ABCC3: variants seen among roughly 807,000 people sequenced by gnomAD.
ABCC3 encodes ATP binding cassette subfamily C member 3.
ABCC3 carries 121 observed loss-of-function variants against 165.3 expected under a neutral mutation model. The observed-to-expected ratio is 0.73, with a 90% CI of 0.63 to 0.85. The LOEUF is 0.85. Among genes scored for constraint, ABCC3 ranks in the 40% least tolerant of loss-of-function variants. The pLI, the probability that ABCC3 is intolerant of heterozygous loss-of-function variation, is 0.00. For missense variants in ABCC3, 1,869 were observed against 1,964.1 expected (o/e 0.95, Z 0.92); for synonymous variants, 733 against 810.1 (o/e 0.90, Z 1.62).
At chr17:50,668,639 G>GTTC in intron 14 of ABCC3, 122 bp downstream of exon 14, 1 of 841,550 alleles carries the variant, frequency 1.2e-6, no homozygotes, top group Non-Finnish European at 1.9e-6. Flanking sequence ...CATCTGCTTC[G>GTTC]ACTCTGACCT....
chr17:50,659,509 AC>A, intron 7 of ABCC3, 141 bp downstream of exon 7: 1 of 1,037,366 alleles, frequency 9.6e-7, no homozygotes, highest in Non-Finnish European at 1.3e-6. Flanking sequence ...CAGCCTCGGG[AC>A]CATTCTATGG....
rs1329245843 is a variant in ABCC3 at position 50,659,305 on chromosome 17, G to T, written c.743G>T (p.Arg248Ile). The T allele has an allele frequency of 2.5e-6, 4 of 1,613,652 alleles. No homozygotes were observed. Among genetic ancestry groups the T allele is most frequent in the Non-Finnish European group, 3.4e-6 (4 of 1,179,720 alleles). Residue 248 changes from arginine (R) to isoleucine (I), a missense_variant, in exon 7 of 31, where the codon AGA (arginine) becomes ATA (isoleucine). Arg to Ile is a moderately conservative substitution (Grantham distance 97). Transcript: ENST00000285238. Reference protein sequence around the residue: ...KDLWSLKEEDRSQMVVQQLLE... With the variant: ...KDLWSLKEEDISQMVVQQLLE... ...CTCTGGTCCCTAAAGGAAGAGGACA[G>T]ATCCCAGATGGTGGTGCAGCAGCTG...
chr17:50,644,449 C>T (rs1163422492), intron 1 of ABCC3, among the ~76,000 whole-genome samples: 2 of 151,980 alleles, frequency 1.3e-5, no homozygotes, highest in Admixed American at 6.6e-5. Context: ...TGGTGGCTCA[C>T]CCCTGTAATC....
chr17:50,671,795 C>G (rs555600418), intron 17 of ABCC3, among the ~76,000 whole-genome samples: 1 of 141,834 alleles, frequency 7.1e-6, no homozygotes, highest in South Asian at 2.3e-4. Flanking sequence ...GATCTTGGCT[C>G]ACTGCAACCT....
chr17:50,645,059 G>T (rs912654830), intron 1 of ABCC3, among the ~76,000 whole-genome samples: 2 of 151,592 alleles, frequency 1.3e-5, no homozygotes, highest in African/African-American at 4.8e-5. Flanking sequence ...AAATTAGCCT[G>T]GCGTAGTGGC....
chr17:50,683,529 G>T lies in ABCC3; in HGVS notation c.3808-81G>T, dbSNP rs937952348. 6 of 1,423,860 alleles carry T rather than the reference G, an allele frequency of 4.2e-6. No individual in the cohort carries two copies. The South Asian group carries it at 6.2e-5, about 15-fold the overall frequency. The allele number at this position is 1,423,860 out of a possible 1,614,324, so 88.2% of individuals were successfully genotyped here. On this transcript the variant is annotated intron_variant, in intron 26 of 30. Coordinates refer to ENST00000285238, the MANE Select transcript of ABCC3 (RefSeq NM_003786.4). ...GGGACCATAGTTGGGGAGGATTGAG[G>T]GGCCTTGGGGGAGAGAGACCGAAAG...
chr17:50,678,363 A>T (rs1051560273), intron 25 of ABCC3, 144 bp downstream of exon 25: 2 of 926,454 alleles, frequency 2.2e-6, no homozygotes. Context: ...GAAAAAAAAA[A>T]AAAGAAAAAA....
chr17:50,639,611 A>T (rs2146585461), intron 1 of ABCC3, among the ~76,000 whole-genome samples: 1 of 152,066 alleles, frequency 6.6e-6, no homozygotes, highest in Non-Finnish European at 1.5e-5. Context: ...GTGAAATGAG[A>T]CCTGGTATGC....
At chr17:50,637,637 T>C (rs760048775) in intron 1 of ABCC3, among the ~76,000 whole-genome samples, 9 of 152,334 alleles carry the variant, frequency 5.9e-5, no homozygotes, top group East Asian at 5.8e-4. Context: ...CTCATCCTTA[T>C]AGCTTCAGTT....
At position 50,667,600 on chromosome 17, in the gene ABCC3, A is replaced by G. The variant is rs1316079870; in HGVS notation, c.1478A>G (p.Glu493Gly). The change falls in exon 12 of 31, where the codon GAG (glutamate) becomes GGG (glycine). Residue 493 changes from glutamate to glycine, a missense_variant. Glu to Gly is a moderately conservative substitution (Grantham distance 98, BLOSUM62 -2). Coordinates refer to ENST00000285238, the MANE Select transcript of ABCC3 (RefSeq NM_003786.4). ...GACTCGCGCATCAAGCTGATGAGTG[A>G]GATCCTGAACGGCATCAAGGTGCTG... ...LKDSRIKLMS[E>G]ILNGIKVLKL... The G allele has an allele frequency of 7.4e-6, 12 of 1,613,566 alleles. No individual in the cohort carries two copies. The highest frequency in any genetic ancestry group is 1.7e-5 in the Admixed American group (1 of 59,988).
intron 25 of ABCC3, 97 bp from the exon 26 acceptor site, chr17:50,679,701 A>C: frequency 8.5e-7 from 1 of 1,183,050 alleles, no homozygotes; most frequent in Non-Finnish European, 1.2e-6. Flanking sequence ...CTAGGATCCC[A>C]TGGATGGGCA....
chr17:50,676,035 A>T lies in ABCC3; in HGVS notation c.3012A>T (p.Arg1004Ser), dbSNP rs1295030148. 3 of 1,614,060 alleles carry T rather than the reference A, an allele frequency of 1.9e-6. No individual in the cohort carries two copies. The highest frequency in any genetic ancestry group is 2.5e-6 in the Non-Finnish European group (3 of 1,180,034). The change falls in exon 22 of 31, where the codon AGA (arginine) becomes AGT (serine). Residue 1004 changes from arginine to serine, a missense_variant. Arg to Ser is a moderately radical substitution (Grantham distance 110, BLOSUM62 -1). Transcript: ENST00000285238. ...AWTNDAMADS[R>S]QNNTSLRLGV... is the part of the protein sequence containing the mutation. ...CAAATGATGCCATGGCAGACAGTAG[A>T]CAGAACAACACTTCCCTGAGGCTGG... is the stretch of plus-strand genomic sequence containing the variant.
chr17:50,682,244 A>G (rs1967941842), intron 26 of ABCC3, among the ~76,000 whole-genome samples: 1 of 150,594 alleles, frequency 6.6e-6, no homozygotes, highest in Non-Finnish European at 1.5e-5. Context: ...TCAGGTTTTC[A>G]TTTTGCACTG....
intron 1 of ABCC3, chr17:50,635,224 G>A: frequency 3.2e-6 from 2 of 628,158 alleles, no homozygotes; most frequent in Non-Finnish European, 5.6e-6. Context: ...GCACTGGGGA[G>A]CCCGGGAAAG....
intron 17 of ABCC3, among the ~76,000 whole-genome samples, chr17:50,672,015 C>T (rs56281705): frequency 0.099 from 15,016 of 152,024 alleles, 824 homozygotes; most frequent in Middle Eastern, 0.15. Context: ...AGCCACCACG[C>T]GCGACCTCAG....
At chr17:50,644,666 C>A (rs960552058) in intron 1 of ABCC3, among the ~76,000 whole-genome samples, 3 of 152,074 alleles carry the variant, frequency 2.0e-5, no homozygotes, top group African/African-American at 4.8e-5. Context: ...GAGCTGAGAT[C>A]GTGCCACTGC....
Position 50,677,812 on chromosome 17 carries a change from C to T in ABCC3, c.3447C>T (p.Ser1149=). The T allele has an allele frequency of 3.1e-6, 5 of 1,614,128 alleles. No homozygotes were observed. Among genetic ancestry groups the T allele is most frequent in the Non-Finnish European group, 4.2e-6 (5 of 1,180,006 alleles). ...CAGTCAGCCGCTCACCTATCTACTC[C>T]CACTTTTCGGAGACAGTGACTGGTG... The part of the protein sequence containing the change: ...LESVSRSPIY[S]HFSETVTGAS... The change falls in exon 24 of 31, where the codon TCC becomes TCT. Residue 1149 remains serine, a synonymous_variant. Transcript: ENST00000285238.
intron 14 of ABCC3, 61 bp downstream of exon 14, chr17:50,668,578 T>C: frequency 7.2e-7 from 1 of 1,382,996 alleles, no homozygotes; most frequent in South Asian, 1.2e-5. Context: ...AACCTCTGTT[T>C]CAAGCTTTTC....
Position 50,675,383 on chromosome 17 carries a change from A to C in ABCC3, c.2621A>C (p.Lys874Thr). Residue 874 changes from lysine (K) to threonine (T), a missense_variant, in exon 20 of 31, where the codon AAG becomes ACG. By Grantham distance (78) the Lys-to-Thr change is moderately conservative. Coordinates refer to ENST00000285238, the MANE Select transcript of ABCC3 (RefSeq NM_003786.4). ...SWTALEGAED[K>T]EALLIEDTLS... ...GCAGCGTTGGAAGGTGCAGAGGATAAGGAGGCACTGCTGATTGAAGACACA... is the reference window on the plus strand; with the variant it reads ...GCAGCGTTGGAAGGTGCAGAGGATACGGAGGCACTGCTGATTGAAGACACA... 1 of 1,613,654 alleles carries C rather than the reference A, an allele frequency of 6.2e-7. No individual in the cohort carries two copies. The highest frequency in any genetic ancestry group is 8.5e-7 in the Non-Finnish European group (1 of 1,179,722).
Sources: allele counts gnomAD v4.1 joint callset (sites outside exome capture counted in the v4.1 genomes callset), GRCh38; gene constraint gnomAD v4.1.1; transcripts MANE v1.5; gene names NCBI Gene and HGNC (gene_info 2026-07-23, HGNC 2026-07-21).